The following ATF7IP variants were observed in gnomAD, a reference collection of about 807,000 sequenced individuals.
The protein encoded by ATF7IP is activating transcription factor 7-interacting protein 1.
Under a neutral mutation model 106.4 loss-of-function variants are expected in ATF7IP, and 23 were observed. That is an observed-to-expected ratio of 0.22 (90% CI 0.16 to 0.31). The LOEUF (loss-of-function observed/expected upper bound fraction) is 0.31. Among genes scored for constraint, ATF7IP ranks in the 10% least tolerant of loss-of-function variants. The probability of loss-of-function intolerance (pLI) is 1.00; values close to 1 mark genes in which losing one functional copy is unlikely to be tolerated. For missense variants in ATF7IP, 1,334 were observed against 1,524.3 expected (o/e 0.88, Z 2.08); for synonymous variants, 542 against 539.0 (o/e 1.01, Z -0.08).
At chr12:14,454,547 G>A (rs1943350666) in intron 6 of ATF7IP, among the ~76,000 whole-genome samples, 1 of 152,182 alleles carries the variant, frequency 6.6e-6, no homozygotes, top group Non-Finnish European at 1.5e-5. Flanking sequence ...AAGCTGTGTT[G>A]GGAGGTTGAT....
At chr12:14,371,538 T>C (rs1356202509) in intron 1 of ATF7IP, among the ~76,000 whole-genome samples, 2 of 152,100 alleles carry the variant, frequency 1.3e-5, no homozygotes, top group Non-Finnish European at 2.9e-5. Flanking sequence ...TTAGAAGTGC[T>C]ACTTGAGAAA....
intron 6 of ATF7IP, among the ~76,000 whole-genome samples, chr12:14,455,235 T>C (rs897448330): frequency 4.6e-5 from 7 of 152,082 alleles, no homozygotes; most frequent in African/African-American, 1.7e-4. Context: ...TGCATTCCTT[T>C]CCCTAAAAGC....
intron 13 of ATF7IP, among the ~76,000 whole-genome samples, chr12:14,487,793 T>A (rs552520249): frequency 6.6e-6 from 1 of 152,298 alleles, no homozygotes; most frequent in African/African-American, 2.4e-5. Context: ...GGAGACAGAA[T>A]CCCTGAGTTC....
intron 11 of ATF7IP, 107 bp from the exon 12 acceptor site, chr12:14,478,210 A>AT: frequency 1.0e-6 from 1 of 994,136 alleles, no homozygotes; most frequent in Non-Finnish European, 1.5e-6. Flanking sequence ...TTAGAGGTAA[A>AT]TGTGACACAC....
intron 3 of ATF7IP, among the ~76,000 whole-genome samples, chr12:14,434,752 A>T (rs1942317457): frequency 6.6e-6 from 1 of 152,204 alleles, no homozygotes; most frequent in Non-Finnish European, 1.5e-5. Flanking sequence ...GGGCTAACGT[A>T]AGTGAATGGA....
At chr12:14,398,926 A>G (rs1940024877) in intron 1 of ATF7IP, among the ~76,000 whole-genome samples, 1 of 152,080 alleles carries the variant, frequency 6.6e-6, no homozygotes, top group Admixed American at 6.5e-5. Flanking sequence ...TGCATAGCTA[A>G]TGATATTTTT....
chr12:14,497,719 A>G lies in ATF7IP; in HGVS notation c.3459A>G (p.Pro1153=). 5 of 1,614,176 alleles carry G rather than the reference A, an allele frequency of 3.1e-6. No homozygotes were observed. Among genetic ancestry groups the G allele is most frequent in the Non-Finnish European group, 4.2e-6 (5 of 1,180,024 alleles). Residue 1153 remains proline (P), a synonymous_variant, in exon 15 of 15, where the codon CCA becomes CCG. Transcript: ENST00000261168. The stretch of plus-strand genomic sequence containing the variant: ...CTCCACAACCACAGCGTCTGCCCCC[A>G]GAAGCTGCCAGCACATCTCTGCCTC... ...PEAPQPQRLP[P]EAASTSLPQK... is the part of the protein sequence containing the mutation.
intron 1 of ATF7IP, chr12:14,385,309 C>T: frequency 7.6e-7 from 1 of 1,311,206 alleles, no homozygotes; most frequent in Non-Finnish European, 1.0e-6. Flanking sequence ...GACTGTGCAG[C>T]TGTCTCAAAA....
intron 9 of ATF7IP, among the ~76,000 whole-genome samples, chr12:14,465,958 T>C (rs1432340193): frequency 6.6e-6 from 1 of 152,150 alleles, no homozygotes; most frequent in African/African-American, 2.4e-5. Context: ...TTTCCTCCCA[T>C]TAGAAATTGG....
chr12:14,435,955 A>G (rs1022265605), intron 3 of ATF7IP, 151 bp from the exon 4 acceptor site: 2 of 711,086 alleles, frequency 2.8e-6, no homozygotes, highest in Non-Finnish European at 4.5e-6. Flanking sequence ...GCTAAAAGCT[A>G]TATACCTTCT....
At chr12:14,403,421 G>C (rs1940368868) in intron 1 of ATF7IP, among the ~76,000 whole-genome samples, 1 of 152,152 alleles carries the variant, frequency 6.6e-6, no homozygotes, top group Non-Finnish European at 1.5e-5. Flanking sequence ...CTTGCCTCCT[G>C]GCCTTAATGA....
At chr12:14,432,666 A>C (rs1162406911) in intron 2 of ATF7IP, among the ~76,000 whole-genome samples, 1 of 152,204 alleles carries the variant, frequency 6.6e-6, no homozygotes, top group Non-Finnish European at 1.5e-5. Flanking sequence ...ATATCTTTTA[A>C]ATTTTTTTAA....
At position 14,438,024 on chromosome 12, in the gene ATF7IP, G is replaced by C. The variant is rs373856781; in HGVS notation, c.1792-106G>C. ...GCCGAGATCCTGCCACTGCACTCCA[G>C]CCTGGGCGACAGAGCGAGACTCTGT... On this transcript the variant is annotated intron_variant, in intron 4 of 14. Transcript: ENST00000261168. The C allele has an allele frequency of 7.7e-5, 85 of 1,102,940 alleles. No homozygotes were observed. In the East Asian group the frequency reaches 2.2e-3, roughly 29 times the overall value. The allele number at this position is 1,102,940 out of a possible 1,614,324, so 68.3% of individuals were successfully genotyped here.
At chr12:14,450,402 G>A (rs1943156316) in intron 6 of ATF7IP, among the ~76,000 whole-genome samples, 1 of 152,066 alleles carries the variant, frequency 6.6e-6, no homozygotes, top group South Asian at 2.1e-4. Flanking sequence ...ATTTTGTCAA[G>A]TTCTTTTGCT....
intron 2 of ATF7IP, among the ~76,000 whole-genome samples, chr12:14,426,128 T>C (rs568404550): frequency 1.3e-5 from 2 of 152,320 alleles, no homozygotes; most frequent in South Asian, 4.1e-4. Flanking sequence ...CTGTTACTTT[T>C]AGGTTGATTT....
chr12:14,409,441 T>G (rs893610259), intron 1 of ATF7IP, among the ~76,000 whole-genome samples: 20 of 152,182 alleles, frequency 1.3e-4, no homozygotes, highest in African/African-American at 4.6e-4. Context: ...ACTTAAGACT[T>G]TCTAGTCTTT....
At chr12:14,471,446 G>A (rs915318982) in intron 10 of ATF7IP, among the ~76,000 whole-genome samples, 4 of 151,974 alleles carry the variant, frequency 2.6e-5, no homozygotes, top group African/African-American at 9.7e-5. Flanking sequence ...ATTACATGGT[G>A]TTTTTTATGT....
Position 14,498,214 on chromosome 12 carries a change from A to G in ATF7IP, c.*141A>G, listed in dbSNP as rs553077360. The G allele has an allele frequency of 6.7e-4, 516 of 766,954 alleles. 6 individuals are homozygous for G. In the East Asian group the frequency reaches 0.013, roughly 19 times the overall value. The allele number at this position is 766,954 out of a possible 1,614,324, so 47.5% of individuals were successfully genotyped here. ...GTGTGTATACACTACATTTGTTTAT[A>G]ACCAGAAGCAAAATAAACTCAGCCC... On this transcript the variant is annotated 3_prime_UTR_variant, in exon 15 of 15. Coordinates refer to ENST00000261168, the MANE Select transcript of ATF7IP (RefSeq NM_018179.5).
At chr12:14,490,154 A>G (rs1438665072) in intron 13 of ATF7IP, among the ~76,000 whole-genome samples, 2 of 152,208 alleles carry the variant, frequency 1.3e-5, no homozygotes, top group Non-Finnish European at 2.9e-5. Context: ...TACTGCCACC[A>G]TGGCTACTAT....
Sources: gnomAD v4.1 joint callset for allele counts (sites outside exome capture counted in the v4.1 genomes callset) on GRCh38, gnomAD v4.1.1 for gene constraint, MANE v1.5 for transcripts, NCBI Gene and HGNC (gene_info 2026-07-23, HGNC 2026-07-21) for gene names.